XKR6: variants seen among roughly 807,000 people sequenced by gnomAD.
XKR6 encodes XK-related protein 6.
A neutral mutation model predicts 56.7 loss-of-function variants in XKR6; 22 were observed. That is an observed-to-expected ratio of 0.39 (90% CI 0.28 to 0.55). XKR6 has a LOEUF of 0.55. XKR6 is among the 20% of genes least tolerant of loss of function. The pLI is 0.66. For missense variants in XKR6, 852 were observed against 889.0 expected (o/e 0.96, Z 0.53); for synonymous variants, 524 against 387.8 (o/e 1.35, Z -4.13).
At chr8:11,111,305 C>A (rs537861050) in intron 1 of XKR6, among the ~76,000 whole-genome samples, 3 of 152,254 alleles carry the variant, frequency 2.0e-5, no homozygotes, top group African/African-American at 7.2e-5. Flanking sequence ...GGCTGGAGGG[C>A]AAACTGAACA....
chr8:11,196,319 C>T (rs1242271420), intron 1 of XKR6, among the ~76,000 whole-genome samples: 4 of 151,952 alleles, frequency 2.6e-5, no homozygotes, highest in African/African-American at 9.7e-5. Context: ...TATTTGTATC[C>T]CATAAAAGGC....
At chr8:11,068,286 A>G (rs1389615116) in intron 1 of XKR6, among the ~76,000 whole-genome samples, 4 of 151,764 alleles carry the variant, frequency 2.6e-5, no homozygotes, top group Non-Finnish European at 5.9e-5. Flanking sequence ...GGGGGCGGCT[A>G]TGGTCATCTT....
chr8:10,970,787 C>G (rs1802385645), intron 1 of XKR6, among the ~76,000 whole-genome samples: 1 of 132,016 alleles, frequency 7.6e-6, no homozygotes, highest in Admixed American at 7.7e-5. Context: ...TATAAAGGAG[C>G]AAAATGAAAA....
rs546773932 is a variant in XKR6 at position 10,920,992 on chromosome 8, G to A, written c.961+3642C>T. On this transcript the variant is annotated intron_variant, in intron 2 of 2. Coordinates refer to ENST00000416569, the MANE Select transcript of XKR6 (RefSeq NM_173683.4). ...ATTGCAGGGAGGAGGACACAGGAGG[G>A]GCTTCCCTGGGGTGAAGGCCCAAGA... Among the ~76,000 whole-genome samples, 9 of 152,318 alleles carry A rather than the reference G, an allele frequency of 5.9e-5. No homozygotes were observed. In the South Asian group the frequency reaches 1.9e-3, roughly 32 times the overall value.
chr8:11,022,652 G>C (rs970457495), intron 1 of XKR6, among the ~76,000 whole-genome samples: 2 of 152,148 alleles, frequency 1.3e-5, no homozygotes, highest in African/African-American at 2.4e-5. Flanking sequence ...CCACAGAAGG[G>C]TGACATTATT....
At position 10,992,045 on chromosome 8, in the gene XKR6, A is replaced by G. The variant is rs141240922; in HGVS notation, c.765-67215T>C. On this transcript the variant is annotated intron_variant, in intron 1 of 2. Coordinates refer to ENST00000416569, the MANE Select transcript of XKR6 (RefSeq NM_173683.4). ...GCCATGTGATAGTACAGCAGGAAAC[A>G]GACCTGGCCGTGAGTCCTGCCGCCA... 8.3e-4 allele frequency among the ~76,000 whole-genome samples: 127 copies of G among 152,360 alleles called. 1 individual carries two copies. The East Asian group carries it at 0.021, about 25-fold the overall frequency.
chr8:11,111,245 G>A (rs1320318922), intron 1 of XKR6, among the ~76,000 whole-genome samples: 1 of 152,044 alleles, frequency 6.6e-6, no homozygotes, highest in East Asian at 1.9e-4. Context: ...CTACCCTTTT[G>A]GCTACTAATT....
intron 1 of XKR6, among the ~76,000 whole-genome samples, chr8:11,013,368 G>C (rs769399854): frequency 5.9e-5 from 9 of 152,164 alleles, no homozygotes; most frequent in Non-Finnish European, 1.2e-4. Context: ...ATCACAAAGT[G>C]AGATCTAAGA....
At position 11,176,511 on chromosome 8, in the gene XKR6, G is replaced by A. The variant is rs748787190; in HGVS notation, c.764+24065C>T. On this transcript the variant is annotated intron_variant, in intron 1 of 2. Transcript: ENST00000416569. ...TTATTAAAATATTCCTTTATGCAAC[G>A]TTTGTATATATTTTTAAAGAAATTA... is the stretch of plus-strand genomic sequence containing the variant. Among the ~76,000 whole-genome samples, 9 of 152,026 alleles carry A rather than the reference G, an allele frequency of 5.9e-5. No homozygotes were observed. In the East Asian group the frequency reaches 9.6e-4, roughly 16 times the overall value.
intron 1 of XKR6, among the ~76,000 whole-genome samples, chr8:11,159,006 T>C (rs2898264): frequency 0.1 from 15,707 of 152,234 alleles, 1,033 homozygotes; most frequent in African/African-American, 0.19. Flanking sequence ...CCAAACTGCA[T>C]GGTTCTGAAA....
intron 1 of XKR6, chr8:11,105,102 T>C (rs1193513255): frequency 5.3e-5 from 8 of 152,280 alleles, no homozygotes; most frequent in East Asian, 1.9e-4. Context: ...CTGTGAGTTA[T>C]GGGTTACGAG....
intron 1 of XKR6, among the ~76,000 whole-genome samples, chr8:10,963,051 G>A (rs1361513859): frequency 6.6e-6 from 1 of 152,160 alleles, no homozygotes; most frequent in Non-Finnish European, 1.5e-5. Context: ...CGGCACCCCT[G>A]CAGTCAGCAG....
chr8:11,159,061 T>G (rs924823175), intron 1 of XKR6, among the ~76,000 whole-genome samples: 4 of 152,202 alleles, frequency 2.6e-5, no homozygotes, highest in Non-Finnish European at 4.4e-5. Flanking sequence ...GGCAAATTAC[T>G]TACCTTCTTT....
intron 1 of XKR6, chr8:11,129,090 C>T (rs1799974002): frequency 2.6e-6 from 1 of 389,546 alleles, no homozygotes; most frequent in Non-Finnish European, 5.0e-6. Flanking sequence ...TAATCAAGAG[C>T]CCAATCAAGA....
In XKR6 at chr8:11,187,204, T is replaced by A. The variant is rs139264607; in HGVS notation, c.764+13372A>T. On this transcript the variant is annotated intron_variant, in intron 1 of 2. Coordinates refer to ENST00000416569, the MANE Select transcript of XKR6 (RefSeq NM_173683.4). Reference sequence around the variant, plus strand: ...AATGCTGCATCAAGAAATTATAGCATCCCACCCTATGGCTAGGTTTTGGAG... The same window carrying A: ...AATGCTGCATCAAGAAATTATAGCAACCCACCCTATGGCTAGGTTTTGGAG... Among the ~76,000 whole-genome samples the A allele has an allele frequency of 7.9e-4, 120 of 152,328 alleles. 1 individual carries two copies. In the East Asian group the frequency reaches 0.023, roughly 29 times the overall value.
At chr8:11,135,245 G>T (rs1800327561) in intron 1 of XKR6, among the ~76,000 whole-genome samples, 1 of 152,000 alleles carries the variant, frequency 6.6e-6, no homozygotes, top group Non-Finnish European at 1.5e-5. Flanking sequence ...TAGCCAGGAT[G>T]GTCTTGATCT....
chr8:11,049,072 G>A (rs1799480542), intron 1 of XKR6, among the ~76,000 whole-genome samples: 1 of 152,228 alleles, frequency 6.6e-6, no homozygotes, highest in Non-Finnish European at 1.5e-5. Flanking sequence ...CTGCTGAAGT[G>A]GCTGGCCTTG....
intron 1 of XKR6, among the ~76,000 whole-genome samples, chr8:11,035,805 G>C (rs1432728939): frequency 6.6e-6 from 1 of 152,058 alleles, no homozygotes; most frequent in East Asian, 1.9e-4. Flanking sequence ...GAGGTAAGTG[G>C]TTTCCCTGAA....
chr8:11,072,164 C>A (rs939036897), intron 1 of XKR6, among the ~76,000 whole-genome samples: 7 of 152,208 alleles, frequency 4.6e-5, no homozygotes, highest in Non-Finnish European at 5.9e-5. Flanking sequence ...ACAGCCAATA[C>A]CGTCCTCTCA....
Sources: allele counts gnomAD v4.1 joint callset (sites outside exome capture counted in the v4.1 genomes callset), GRCh38; gene constraint gnomAD v4.1.1; transcripts MANE v1.5; gene names NCBI Gene and HGNC (gene_info 2026-07-23, HGNC 2026-07-21).